Variants in MAP3K21 observed in about 807,000 individuals in gnomAD.
The protein encoded by MAP3K21 is mitogen-activated protein kinase kinase kinase 21, also known as mitogen-activated protein kinase kinase kinase MLK4.
A neutral mutation model predicts 86.1 loss-of-function variants in MAP3K21; 63 were observed. The ratio of observed to expected loss-of-function variants is 0.73; its 90% CI spans 0.60 to 0.90. The LOEUF is 0.90. MAP3K21 is among the 40% of genes least tolerant of loss of function. The probability of loss-of-function intolerance (pLI) is 0.00; values close to 1 mark genes in which losing one functional copy is unlikely to be tolerated. For synonymous variants in MAP3K21, 558 were observed against 564.8 expected, an observed-to-expected ratio of 0.99 and a Z score of 0.17; for missense variants, 1,220 against 1,367.7, an observed-to-expected ratio of 0.89 and a Z score of 1.70.
At chr1:233,381,074 T>C (rs897673104) in intron 9 of MAP3K21, among the ~76,000 whole-genome samples, 1 of 152,184 alleles carries the variant, frequency 6.6e-6, no homozygotes, top group Non-Finnish European at 1.5e-5. Context: ...AGGTTCAAGT[T>C]CTAGTTGTAC....
At chr1:233,381,551 C>T (rs985862369) in intron 9 of MAP3K21, among the ~76,000 whole-genome samples, 1 of 152,018 alleles carries the variant, frequency 6.6e-6, no homozygotes, top group African/African-American at 2.4e-5. Flanking sequence ...TTTTCCTTTA[C>T]TTCTTTTTAA....
At chr1:233,345,401 C>T (rs565721912) in intron 1 of MAP3K21, among the ~76,000 whole-genome samples, 11 of 152,042 alleles carry the variant, frequency 7.2e-5, no homozygotes, top group Non-Finnish European at 1.6e-4. Flanking sequence ...ACTATGCAGC[C>T]GTAAAAAAGG....
chr1:233,339,258 CTT>C (rs1558450806), intron 1 of MAP3K21, among the ~76,000 whole-genome samples: 28 of 47,310 alleles, frequency 5.9e-4, no homozygotes, highest in South Asian at 2.6e-3. Flanking sequence ...TCTTCTTCTT[CTT>C]CTTCTTCCTC....
chr1:233,382,319 A>G lies in MAP3K21; in HGVS notation c.2719A>G (p.Ile907Val), dbSNP rs772053723. The change falls in exon 10 of 10, where the codon ATC (isoleucine) becomes GTC (valine). Residue 907 changes from isoleucine (I) to valine (V), a missense_variant. Ile to Val is a conservative substitution (Grantham distance 29). Coordinates refer to ENST00000366624, the MANE Select transcript of MAP3K21 (RefSeq NM_032435.3). ...TTCTCAACCAGCTGGTGCAACTATT[A>G]TCTCAGCCACTGGAGCCTCTGCACT... ...GNPTPTGATI[I>V]SATGASALPL... 4 of 1,612,426 alleles carry G rather than the reference A, an allele frequency of 2.5e-6. No individual in the cohort carries two copies. Among genetic ancestry groups the G allele is most frequent in the South Asian group, 1.1e-5 (1 of 90,992 alleles).
At chr1:233,338,103 C>T (rs1662950695) in intron 1 of MAP3K21, among the ~76,000 whole-genome samples, 1 of 152,186 alleles carries the variant, frequency 6.6e-6, no homozygotes. Context: ...TAGAGCTAGA[C>T]TTTACATACA....
Position 233,362,226 on chromosome 1 carries a change from G to T in MAP3K21, c.1485G>T (p.Lys495Asn). The T allele has an allele frequency of 6.2e-7, 1 of 1,614,234 alleles. No homozygotes were observed. Among genetic ancestry groups the T allele is most frequent in the Non-Finnish European group, 8.5e-7 (1 of 1,180,044 alleles). ...ACCAGGAGAAGCCCAAGGTAAAGAAGAGGAAGGGCAAGTTTAAGAGAAGTC... is the reference window on the plus strand; with the variant it reads ...ACCAGGAGAAGCCCAAGGTAAAGAATAGGAAGGGCAAGTTTAAGAGAAGTC... Reference protein sequence around the residue: ...QLNQEKPKVKKRKGKFKRSRL... With the variant: ...QLNQEKPKVKNRKGKFKRSRL... Residue 495 changes from lysine to asparagine, a missense_variant, in exon 5 of 10, where the codon AAG becomes AAT. By Grantham distance (94) the Lys-to-Asn change is moderately conservative. This residue lies in a region of MAP3K21 where 632 missense variants were observed against 691.3 expected (regional missense o/e 0.91). Coordinates refer to ENST00000366624, the MANE Select transcript of MAP3K21 (RefSeq NM_032435.3).
Position 233,378,441 on chromosome 1 carries a change from G to A in MAP3K21, c.1925-490G>A, listed in dbSNP as rs1054322955. 5.9e-5 allele frequency among the ~76,000 whole-genome samples: 9 copies of A among 152,260 alleles called. No homozygotes were observed. In the East Asian group the frequency reaches 9.7e-4, roughly 16 times the overall value. On this transcript the variant is annotated intron_variant, in intron 8 of 9. Coordinates refer to ENST00000366624, the MANE Select transcript of MAP3K21 (RefSeq NM_032435.3). ...AATTTACATTTCTACAAATTCCCAG[G>A]GGATGCAGATGCTGCCAGTCCAGGC...
At chr1:233,329,096 A>G (rs1439027680) in intron 1 of MAP3K21, among the ~76,000 whole-genome samples, 1 of 152,120 alleles carries the variant, frequency 6.6e-6, no homozygotes, top group African/African-American at 2.4e-5. Context: ...AAACATTTGT[A>G]AAATACCTGG....
intron 2 of MAP3K21, among the ~76,000 whole-genome samples, chr1:233,348,014 T>C (rs1231440461): frequency 6.6e-6 from 1 of 152,210 alleles, no homozygotes; most frequent in African/African-American, 2.4e-5. Flanking sequence ...ACCACGAAAC[T>C]GATGCATTTA....
chr1:233,328,589 C>T lies in MAP3K21; in HGVS notation c.561C>T (p.Arg187=). The T allele has an allele frequency of 6.6e-7, 1 of 1,517,580 alleles. No individual in the cohort carries two copies. 94.0% of individuals were successfully genotyped at this position (1,517,580 alleles called of 1,614,324 possible). A position where few individuals can be genotyped will look rare whatever the true frequency, so the allele number is the denominator to read the frequency against. Residue 187 remains arginine, a synonymous_variant, in exon 1 of 10, where the codon CGC becomes CGT. Transcript: ENST00000366624. This position sits in a 1 kb window ranked among gnomAD's most constrained non-coding sequence, Gnocchi z 8.7. The stretch of plus-strand genomic sequence containing the variant: ...GGCACCCCAACATCATCGAGCTGCG[C>T]GGCGTGTGCCTGCAGCAGCCGCACC... ...MLRHPNIIEL[R]GVCLQQPHLC...
intron 5 of MAP3K21, among the ~76,000 whole-genome samples, chr1:233,368,488 T>C (rs546215606): frequency 1.3e-5 from 2 of 152,118 alleles, no homozygotes; most frequent in South Asian, 4.2e-4. Flanking sequence ...ACCCCATTTC[T>C]ACAAAAATAT....
intron 1 of MAP3K21, among the ~76,000 whole-genome samples, chr1:233,336,642 CCATTAA>C (rs1220114990): frequency 2.0e-5 from 3 of 152,158 alleles, no homozygotes; most frequent in African/African-American, 7.2e-5. Flanking sequence ...CTAGATTCTA[CCATTAA>C]CATTTCACTA....
At chr1:233,381,648 T>C (rs1294240) in intron 9 of MAP3K21, among the ~76,000 whole-genome samples, 66,497 of 152,036 alleles carry the variant, frequency 0.44, 14,776 homozygotes, top group African/African-American at 0.51. Context: ...GGTCAATAAG[T>C]ATTGGTAATT....
At chr1:233,369,263 G>A (rs865901732) in intron 5 of MAP3K21, among the ~76,000 whole-genome samples, 8 of 150,836 alleles carry the variant, frequency 5.3e-5, no homozygotes, top group Non-Finnish European at 8.9e-5. Flanking sequence ...GGTGGTGTGC[G>A]CCTGTAATCT....
At chr1:233,362,401 A>C in intron 5 of MAP3K21, 108 bp downstream of exon 5, 1 of 1,182,204 alleles carries the variant, frequency 8.5e-7, no homozygotes, top group Non-Finnish European at 1.2e-6. Flanking sequence ...ACTTTGTAAA[A>C]CAGTGAATGA....
At chr1:233,363,439 T>C (rs947479129) in intron 5 of MAP3K21, among the ~76,000 whole-genome samples, 2 of 152,182 alleles carry the variant, frequency 1.3e-5, no homozygotes, top group African/African-American at 4.8e-5. Flanking sequence ...GGCTCATGCC[T>C]GTAATCGCGG....
intron 4 of MAP3K21, among the ~76,000 whole-genome samples, chr1:233,361,852 G>T (rs2102758507): frequency 6.6e-6 from 1 of 152,290 alleles, no homozygotes; most frequent in South Asian, 2.1e-4. Context: ...AAAAGGTTTC[G>T]GCTTGGATTG....
Position 233,327,787 on chromosome 1 carries a change from T to G in MAP3K21, c.-242T>G. ...CGGCCGCAGGGCCTGGGCACGACCA[T>G]GGTGGGACGTCGCCCGCGGCTTCGG... On this transcript the variant is annotated 5_prime_UTR_variant, in exon 1 of 10. The change abolishes an upstream ATG in the 5' untranslated region. Transcript: ENST00000366624. 20 of 296,298 alleles carry G rather than the reference T, an allele frequency of 6.7e-5. No individual in the cohort carries two copies. Among genetic ancestry groups the G allele is most frequent in the East Asian group, 1.1e-4 (2 of 17,758 alleles). The allele number at this position is 296,298 out of a possible 1,614,324, so 18.4% of individuals were successfully genotyped here.
chr1:233,340,476 G>A (rs1663021590), intron 1 of MAP3K21, among the ~76,000 whole-genome samples: 1 of 152,156 alleles, frequency 6.6e-6, no homozygotes. Context: ...GAGTACAAAA[G>A]AGAGCTGGAA....
Sources: allele counts gnomAD v4.1 joint callset (sites outside exome capture counted in the v4.1 genomes callset), GRCh38; gene constraint gnomAD v4.1.1; regional missense constraint gnomAD v4.1.1; non-coding constraint Gnocchi (gnomAD v3.1); transcripts MANE v1.5; gene names NCBI Gene and HGNC (gene_info 2026-07-23, HGNC 2026-07-21).